Variants in NEO1 observed in about 807,000 individuals in gnomAD.
NEO1 encodes neogenin 1, also known as neogenin.
In NEO1, 63 loss-of-function variants were observed where a neutral mutation model predicts 159.7. The observed-to-expected ratio is 0.39, with a 90% CI of 0.32 to 0.49. NEO1 has a LOEUF of 0.49. Among genes scored for constraint, NEO1 ranks in the 20% least tolerant of loss-of-function variants. The pLI is 0.85. For synonymous variants in NEO1, 633 were observed against 662.0 expected, an observed-to-expected ratio of 0.96 and a Z score of 0.67; for missense variants, 1,615 against 1,831.0, an observed-to-expected ratio of 0.88 and a Z score of 2.15.
chr15:73,105,128 AGT>A (rs1431851856), intron 1 of NEO1, among the ~76,000 whole-genome samples: 9 of 152,208 alleles, frequency 5.9e-5, no homozygotes, highest in African/African-American at 2.2e-4. Flanking sequence ...GTATCAGTGA[AGT>A]GTTTTCATTA....
In NEO1 at chr15:73,244,493, C is replaced by G; in HGVS notation, c.1601C>G (p.Pro534Arg). The change falls in exon 9 of 29, where the codon CCT becomes CGT. Residue 534 changes from proline to arginine, a missense_variant. Pro to Arg is a moderately radical substitution (Grantham distance 103). Transcript: ENST00000261908. ...SSAPLRVETQ[P>R]EVQLPGPAPN... Reference sequence around the variant, plus strand: ...GCTCCACTGCGAGTAGAAACACAACCTGAGGGTAAGTCTTCCACCTGTCTG... The same window carrying G: ...GCTCCACTGCGAGTAGAAACACAACGTGAGGGTAAGTCTTCCACCTGTCTG... 6.2e-7 allele frequency: 1 copy of G among 1,613,352 alleles called. No individual in the cohort carries two copies. The highest frequency in any genetic ancestry group is 1.3e-5 in the African/African-American group (1 of 75,014).
chr15:73,158,231 T>TTTTTTA (rs1164361105), intron 5 of NEO1, among the ~76,000 whole-genome samples: 4 of 148,924 alleles, frequency 2.7e-5, no homozygotes, highest in East Asian at 1.9e-4. Context: ...TTTTTTTTTT[T>TTTTTTA]TTACAATTTT....
chr15:73,293,579 A>G (rs768530809), intron 26 of NEO1, 31 bp downstream of exon 26: 2 of 1,598,486 alleles, frequency 1.3e-6, no homozygotes, highest in South Asian at 2.2e-5. Context: ...CCAGATGGAA[A>G]CCATTCCAAA....
chr15:73,202,232 G>C (rs1038163336), intron 7 of NEO1, among the ~76,000 whole-genome samples: 4 of 152,024 alleles, frequency 2.6e-5, no homozygotes, highest in Admixed American at 6.5e-5. Context: ...CAAATTGCTG[G>C]GATTACAGGC....
intron 14 of NEO1, chr15:73,259,225 GTCCT>G (rs2040507346): frequency 4.9e-6 from 1 of 204,634 alleles, no homozygotes; most frequent in Admixed American, 5.3e-5. Flanking sequence ...TTTTCTTTTA[GTCCT>G]GGACACCTTG....
chr15:73,249,970 G>A (rs2039991869), intron 11 of NEO1, among the ~76,000 whole-genome samples: 1 of 152,136 alleles, frequency 6.6e-6, no homozygotes, highest in Admixed American at 6.5e-5. Context: ...TACTGGATAG[G>A]CTCTCAGCGT....
chr15:73,280,015 G>A (rs1157459985), intron 22 of NEO1, among the ~76,000 whole-genome samples: 1 of 152,174 alleles, frequency 6.6e-6, no homozygotes, highest in Non-Finnish European at 1.5e-5. Context: ...TGAAATATCT[G>A]ACACCACTGG....
intron 5 of NEO1, among the ~76,000 whole-genome samples, chr15:73,172,101 T>TGTC (rs2035012724): frequency 1.3e-5 from 2 of 152,180 alleles, no homozygotes; most frequent in South Asian, 4.1e-4. Context: ...GGGAATGGAA[T>TGTC]GGATTAAGGC....
chr15:73,203,192 A>G (rs1454685025), intron 7 of NEO1, among the ~76,000 whole-genome samples: 1 of 152,182 alleles, frequency 6.6e-6, no homozygotes, highest in Admixed American at 6.5e-5. Flanking sequence ...TACTGTTTTC[A>G]CAGTGGCTGT....
intron 14 of NEO1, 26 bp from the exon 15 acceptor site, chr15:73,260,245 C>G: frequency 6.3e-7 from 1 of 1,596,016 alleles, no homozygotes; most frequent in Middle Eastern, 2.1e-4. Flanking sequence ...TATATCTCAT[C>G]TTGCTTTTCC....
intron 7 of NEO1, among the ~76,000 whole-genome samples, chr15:73,217,110 G>T (rs1248235048): frequency 2.6e-5 from 4 of 151,764 alleles, no homozygotes; most frequent in Non-Finnish European, 1.5e-5. Context: ...TTTTGTATAA[G>T]GTGTAAGGAA....
chr15:73,302,522 C>A, intron 28 of NEO1, 91 bp from the exon 29 acceptor site: 3 of 1,187,522 alleles, frequency 2.5e-6, no homozygotes, highest in Non-Finnish European at 3.7e-6. Context: ...CATTTGACTA[C>A]TGACCACATG....
At chr15:73,275,496 G>A (rs2194924) in intron 21 of NEO1, among the ~76,000 whole-genome samples, 64,001 of 151,556 alleles carry the variant, frequency 0.42, 14,955 homozygotes, top group Admixed American at 0.52. Flanking sequence ...CAAAAAATAG[G>A]AAAAAAAAGT....
At chr15:73,301,213 G>A in intron 27 of NEO1, 108 bp from the exon 28 acceptor site, 1 of 1,415,014 alleles carries the variant, frequency 7.1e-7, no homozygotes, top group Non-Finnish European at 9.7e-7. Flanking sequence ...CCCTGCACTG[G>A]GTCTGTATGT....
intron 10 of NEO1, 88 bp downstream of exon 10, chr15:73,249,296 A>G (rs2039954224): frequency 7.3e-7 from 1 of 1,373,602 alleles, no homozygotes; most frequent in Admixed American, 2.0e-5. Flanking sequence ...TTGACTGGAA[A>G]TGTGAGGGGG....
intron 5 of NEO1, among the ~76,000 whole-genome samples, chr15:73,152,096 G>A (rs2033417622): frequency 6.6e-6 from 1 of 152,186 alleles, no homozygotes; most frequent in African/African-American, 2.4e-5. Flanking sequence ...TGTATGTGTG[G>A]TGTTATGAAA....
chr15:73,069,425 T>A (rs1371717709), intron 1 of NEO1, among the ~76,000 whole-genome samples: 1 of 151,700 alleles, frequency 6.6e-6, no homozygotes, highest in Non-Finnish European at 1.5e-5. Flanking sequence ...TTTTTTTTTT[T>A]AAAGAGAGAG....
At chr15:73,234,618 T>C (rs1044837198) in intron 7 of NEO1, among the ~76,000 whole-genome samples, 4 of 152,242 alleles carry the variant, frequency 2.6e-5, no homozygotes, top group Non-Finnish European at 4.4e-5. Flanking sequence ...TCAGAGTTAA[T>C]GTTTTGTAGT....
intron 25 of NEO1, among the ~76,000 whole-genome samples, chr15:73,291,555 TTCC>T (rs1392039921): frequency 3.3e-5 from 5 of 152,186 alleles, no homozygotes; most frequent in African/African-American, 1.2e-4. Context: ...CAAGCTGGTA[TTCC>T]CTGAGCTCTG....
Sources: allele counts gnomAD v4.1 joint callset (sites outside exome capture counted in the v4.1 genomes callset), GRCh38; gene constraint gnomAD v4.1.1; transcripts MANE v1.5; gene names NCBI Gene and HGNC (gene_info 2026-07-23, HGNC 2026-07-21).